EIF2A: variants seen among roughly 807,000 people sequenced by gnomAD.
EIF2A encodes eukaryotic translation initiation factor 2A.
A neutral mutation model predicts 75.2 loss-of-function variants in EIF2A; 62 were observed. The ratio of observed to expected loss-of-function variants is 0.82; its 90% CI spans 0.67 to 1.02. The LOEUF is 1.02. Ranked by LOEUF, EIF2A falls within the 50% of genes least tolerant of loss-of-function variation. The pLI, the probability that EIF2A is intolerant of heterozygous loss-of-function variation, is 0.00. For synonymous variants in EIF2A, 207 were observed against 239.0 expected (o/e 0.87, Z 1.23); for missense variants, 611 against 677.7 (o/e 0.90, Z 1.09).
chr3:150,581,240 A>T (rs1042449576), intron 11 of EIF2A, among the ~76,000 whole-genome samples: 2 of 152,230 alleles, frequency 1.3e-5, no homozygotes, highest in Non-Finnish European at 2.9e-5. Flanking sequence ...AGCATAATCC[A>T]TTACAGGTAC....
chr3:150,556,166 C>T (rs1409908697), intron 2 of EIF2A, among the ~76,000 whole-genome samples: 1 of 152,046 alleles, frequency 6.6e-6, no homozygotes, highest in Non-Finnish European at 1.5e-5. Flanking sequence ...ATAGTTGAGG[C>T]GTGGCAGCAG....
At chr3:150,549,833 A>G (rs562377206) in intron 1 of EIF2A, among the ~76,000 whole-genome samples, 1 of 152,182 alleles carries the variant, frequency 6.6e-6, no homozygotes, top group African/African-American at 2.4e-5. Flanking sequence ...TGAAATTCAC[A>G]TTGTCTAATC....
In EIF2A at chr3:150,567,896, T is replaced by TACATAGA. The variant is rs1724275361; in HGVS notation, c.550-6_550-5insACATAGA. ...TTAAGTAATGATTTATGTCTATGTA[T>TACATAGA]CTTAGGTGGCTGTCTATGTTCCAGG... On this transcript the variant is annotated splice_polypyrimidine_tract_variant and splice_region_variant and intron_variant, in intron 7 of 13. Coordinates refer to ENST00000460851, the MANE Select transcript of EIF2A (RefSeq NM_032025.5). The TACATAGA allele has an allele frequency of 6.2e-7, 1 of 1,600,902 alleles. No individual in the cohort carries two copies. Among genetic ancestry groups the TACATAGA allele is most frequent in the Admixed American group, 1.8e-5 (1 of 56,122 alleles).
At chr3:150,575,310 G>A (rs1724794311) in intron 10 of EIF2A, among the ~76,000 whole-genome samples, 1 of 152,138 alleles carries the variant, frequency 6.6e-6, no homozygotes, top group Non-Finnish European at 1.5e-5. Context: ...ACAATAGTTA[G>A]AACCAAAAAG....
At chr3:150,546,958 A>G in intron 1 of EIF2A, 128 bp downstream of exon 1, 2 of 1,319,680 alleles carry the variant, frequency 1.5e-6, no homozygotes, top group Non-Finnish European at 2.1e-6. Context: ...CGGAAAGGCC[A>G]GACTGTTGGC....
chr3:150,555,126 A>G (rs772461710), intron 2 of EIF2A, among the ~76,000 whole-genome samples: 3 of 151,404 alleles, frequency 2.0e-5, no homozygotes, highest in Admixed American at 6.6e-5. Flanking sequence ...TGGGGGTCTC[A>G]CTATGTTGCC....
In EIF2A at chr3:150,572,112, T is replaced by C; in HGVS notation, c.966T>C (p.Tyr322=). ...FGTGPRNAAY[Y]SPHGHILVLA... ...CTGGTCCTCGTAATGCAGCCTACTA[T>C]AGCCCTCATGGACATATATTAGTAT... Residue 322 remains tyrosine, a synonymous_variant, in exon 10 of 14, where the codon TAT becomes TAC. Coordinates refer to ENST00000460851, the MANE Select transcript of EIF2A (RefSeq NM_032025.5). 1 of 1,613,978 alleles carries C rather than the reference T, an allele frequency of 6.2e-7. No individual in the cohort carries two copies. Among genetic ancestry groups the C allele is most frequent in the Non-Finnish European group, 8.5e-7 (1 of 1,179,888 alleles).
At chr3:150,554,591 C>A (rs1043254392) in intron 2 of EIF2A, among the ~76,000 whole-genome samples, 37 of 152,110 alleles carry the variant, frequency 2.4e-4, no homozygotes, top group African/African-American at 8.9e-4. Context: ...CAATAATTTG[C>A]ATTTTTAACA....
chr3:150,557,732 A>G lies in EIF2A; in HGVS notation c.99-656A>G, dbSNP rs73001334. ...TTTAAAAATGTTTTATTATCTATAA[A>G]CTGAGTGTAAGCTGTCATTATTGTG... On this transcript the variant is annotated intron_variant, in intron 2 of 13. Coordinates refer to ENST00000460851, the MANE Select transcript of EIF2A (RefSeq NM_032025.5). 1.8e-3 allele frequency: 635 copies of G among 356,022 alleles called. 8 individuals carry two copies. Among genetic ancestry groups the G allele is most frequent in the African/African-American group, 0.013 (583 of 45,158 alleles). The allele number at this position is 356,022 out of a possible 1,614,324, so 22.1% of individuals were successfully genotyped here. A position where few individuals can be genotyped will look rare whatever the true frequency, so the allele number is the denominator to read the frequency against.
chr3:150,547,007 G>A, intron 1 of EIF2A, 177 bp downstream of exon 1: 1 of 729,230 alleles, frequency 1.4e-6, no homozygotes. Flanking sequence ...TGAAGTCTCC[G>A]CCTCTGGGCT....
Position 150,584,731 on chromosome 3 carries a change from T to A in EIF2A, c.*820T>A, listed in dbSNP as rs1160945767. ...TTCCACGTTTGATAGTTGGTTGTAT[T>A]TCTTTAGTGAATTGATTTTTCTTTT... On this transcript the variant is annotated 3_prime_UTR_variant, in exon 14 of 14. Coordinates refer to ENST00000460851, the MANE Select transcript of EIF2A (RefSeq NM_032025.5). Among the ~76,000 whole-genome samples the A allele has an allele frequency of 6.6e-6, 1 of 152,228 alleles. No individual in the cohort carries two copies. The highest frequency in any genetic ancestry group is 1.5e-5 in the Non-Finnish European group (1 of 68,044).
chr3:150,555,694 G>A (rs919863517), intron 2 of EIF2A, among the ~76,000 whole-genome samples: 3 of 151,920 alleles, frequency 2.0e-5, no homozygotes, highest in African/African-American at 7.2e-5. Context: ...TTCAGGATGA[G>A]CCTGGGCAGT....
At chr3:150,547,002 T>C (rs1056653325) in intron 1 of EIF2A, 172 bp downstream of exon 1, 1 of 778,410 alleles carries the variant, frequency 1.3e-6, no homozygotes, top group African/African-American at 1.7e-5. Context: ...GGAAGTGAAG[T>C]CTCCGCCTCT....
At chr3:150,563,201 A>G (rs1253808290) in intron 4 of EIF2A, among the ~76,000 whole-genome samples, 3 of 152,180 alleles carry the variant, frequency 2.0e-5, no homozygotes, top group African/African-American at 7.2e-5. Context: ...TAATGTTGAT[A>G]TTTTTGAATA....
At chr3:150,574,091 G>C (rs1576603220) in intron 10 of EIF2A, among the ~76,000 whole-genome samples, 1 of 152,042 alleles carries the variant, frequency 6.6e-6, no homozygotes. Context: ...GTCTGCCTGT[G>C]ATCCCAGCAA....
chr3:150,584,015 A>C lies in EIF2A; in HGVS notation c.*104A>C. The C allele has an allele frequency of 9.5e-7, 1 of 1,049,824 alleles. No individual in the cohort carries two copies. The highest frequency in any genetic ancestry group is 1.4e-6 in the Non-Finnish European group (1 of 725,174). 65.0% of individuals were successfully genotyped at this position (1,049,824 alleles called of 1,614,324 possible). Reference sequence around the variant, plus strand: ...ATTCCTGTGCCCACACTTAATGTCAATCTATAATTTTAACCATTTATCCAA... The same window carrying C: ...ATTCCTGTGCCCACACTTAATGTCACTCTATAATTTTAACCATTTATCCAA... On this transcript the variant is annotated 3_prime_UTR_variant, in exon 14 of 14. Coordinates refer to ENST00000460851, the MANE Select transcript of EIF2A (RefSeq NM_032025.5).
chr3:150,567,596 G>A (rs1724255061), intron 6 of EIF2A, 97 bp from the exon 7 acceptor site: 12 of 827,586 alleles, frequency 1.5e-5, no homozygotes, highest in Non-Finnish European at 2.1e-5. Context: ...AGTAGTATTG[G>A]TGTGTAGTTA....
rs1326037005 is a variant in EIF2A, at chr3:150,575,609, A to G, written c.1384-40A>G. The G allele has an allele frequency of 2.7e-6, 4 of 1,503,930 alleles. No individual in the cohort carries two copies. The Admixed American group carries it at 8.3e-5, about 31-fold the overall frequency. 93.2% of individuals were successfully genotyped at this position (1,503,930 alleles called of 1,614,324 possible). A position where few individuals can be genotyped will look rare whatever the true frequency, so the allele number is the denominator to read the frequency against. ...TAATTTGTTGTTGTAGGTGTTTACA[A>G]CATGGACTCCATTTCAAAATTATTT... On this transcript the variant is annotated intron_variant, in intron 10 of 13. Transcript: ENST00000460851.
intron 11 of EIF2A, among the ~76,000 whole-genome samples, chr3:150,580,084 A>G (rs1034773740): frequency 6.6e-6 from 1 of 152,134 alleles, no homozygotes; most frequent in African/African-American, 2.4e-5. Flanking sequence ...CTCAGTTCTA[A>G]TGGGGAATGG....
Sources: allele counts gnomAD v4.1 joint callset (sites outside exome capture counted in the v4.1 genomes callset), GRCh38; gene constraint gnomAD v4.1.1; transcripts MANE v1.5; gene names NCBI Gene and HGNC (gene_info 2026-07-23, HGNC 2026-07-21).